ROS1: variants seen among roughly 807,000 people sequenced by gnomAD.
ROS1 encodes proto-oncogene tyrosine-protein kinase ROS.
A neutral mutation model predicts 273.5 loss-of-function variants in ROS1; 263 were observed. The observed-to-expected ratio is 0.96, with a 90% CI of 0.87 to 1.06. ROS1 has a LOEUF of 1.06. ROS1 is among the 50% of genes least tolerant of loss of function. The pLI is 0.00. For synonymous variants in ROS1, 1,008 were observed against 954.1 expected (o/e 1.06, Z -1.04); for missense variants, 2,833 against 2,751.1 (o/e 1.03, Z -0.67).
intron 22 of ROS1, 103 bp from the exon 23 acceptor site, chr6:117,360,508 T>A (rs1582734856): frequency 8.1e-6 from 6 of 741,764 alleles, no homozygotes; most frequent in Non-Finnish European, 1.2e-5. Context: ...ATACTCCTGA[T>A]ACACAATATT....
chr6:117,381,867 T>C (rs1582799974), intron 17 of ROS1, among the ~76,000 whole-genome samples: 2 of 152,126 alleles, frequency 1.3e-5, no homozygotes, highest in African/African-American at 4.8e-5. Flanking sequence ...CCATCTGCAG[T>C]GTATAAGCGT....
chr6:117,336,417 G>A (rs745485119), intron 32 of ROS1, among the ~76,000 whole-genome samples: 12 of 151,730 alleles, frequency 7.9e-5, no homozygotes, highest in Non-Finnish European at 1.3e-4. Flanking sequence ...GTGAGAACAC[G>A]CAGTGTTTGG....
At chr6:117,404,216 G>A (rs945659347) in intron 6 of ROS1, 64 bp downstream of exon 6, 18 of 1,378,214 alleles carry the variant, frequency 1.3e-5, no homozygotes, top group Non-Finnish European at 1.5e-5. Flanking sequence ...GCGAGACTCC[G>A]TCTCAAAAAA....
intron 1 of ROS1, among the ~76,000 whole-genome samples, chr6:117,421,369 A>G (rs1222618739): frequency 1.3e-5 from 2 of 151,902 alleles, no homozygotes; most frequent in African/African-American, 4.8e-5. Context: ...CAAGTAGTAT[A>G]CATTGTACCC....
chr6:117,390,181 C>T (rs1374553840), intron 12 of ROS1, among the ~76,000 whole-genome samples: 2 of 152,048 alleles, frequency 1.3e-5, no homozygotes, highest in Non-Finnish European at 2.9e-5. Context: ...GGCTGGAGTT[C>T]AGTGACACAA....
At chr6:117,375,225 G>T (rs1280360812) in intron 18 of ROS1, among the ~76,000 whole-genome samples, 1 of 152,194 alleles carries the variant, frequency 6.6e-6, no homozygotes, top group Admixed American at 6.5e-5. Context: ...TCACTCATAA[G>T]TGGGAGTTAG....
intron 17 of ROS1, among the ~76,000 whole-genome samples, chr6:117,380,813 A>G (rs896562622): frequency 2.0e-5 from 3 of 152,114 alleles, no homozygotes; most frequent in Non-Finnish European, 4.4e-5. Flanking sequence ...GGTAAAATGT[A>G]CCATATGCTG....
In ROS1 at chr6:117,366,270, G is replaced by A. The variant is rs1370586180; in HGVS notation, c.2603C>T (p.Thr868Ile). ...RGQSTGDTTI[T>I]EFAAWSTSEI... is the part of the protein sequence containing the mutation. ...AGAAGTACTCCAGGCTGCAAATTCTGTGATGGTGGTATCCCCAGTGCTGCT... is the reference window on the plus strand; with the variant it reads ...AGAAGTACTCCAGGCTGCAAATTCTATGATGGTGGTATCCCCAGTGCTGCT... Residue 868 changes from threonine (T) to isoleucine (I), a missense_variant, in exon 19 of 44, where the codon ACA becomes ATA. Transcript: ENST00000368507. The A allele has an allele frequency of 6.2e-7, 1 of 1,613,994 alleles. No individual in the cohort carries two copies. The highest frequency in any genetic ancestry group is 2.2e-5 in the East Asian group (1 of 44,880).
chr6:117,421,027 T>G (rs1267543723), intron 1 of ROS1, among the ~76,000 whole-genome samples: 1 of 148,244 alleles, frequency 6.7e-6, no homozygotes, highest in Non-Finnish European at 1.5e-5. Flanking sequence ...GAAGTTTACC[T>G]GTACCTTTTC....
In ROS1 at chr6:117,308,964, A is replaced by G. The variant is rs1167837728; in HGVS notation, c.6417-36T>C. Reference sequence around the variant, plus strand: ...TAGAGGGTTTGCTTTAATTATACTTATTACAAACACCAGGTTTACAGTAGT... The same window carrying G: ...TAGAGGGTTTGCTTTAATTATACTTGTTACAAACACCAGGTTTACAGTAGT... On this transcript the variant is annotated intron_variant, in intron 41 of 43. Coordinates refer to ENST00000368507, the MANE Select transcript of ROS1 (RefSeq NM_001378902.1). The G allele has an allele frequency of 3.1e-6, 5 of 1,595,512 alleles. No homozygotes were observed. The Middle Eastern group carries it at 6.8e-4, about 215-fold the overall frequency.
chr6:117,328,516 G>A, intron 33 of ROS1: 1 of 388,500 alleles, frequency 2.6e-6, no homozygotes, highest in Non-Finnish European at 4.9e-6. Context: ...GAATTCTCTA[G>A]TATGAACAGG....
chr6:117,339,618 C>A (rs1777761941), intron 31 of ROS1, among the ~76,000 whole-genome samples: 1 of 152,108 alleles, frequency 6.6e-6, no homozygotes, highest in Non-Finnish European at 1.5e-5. Context: ...TTTTACTGTA[C>A]TCATAGTTAG....
intron 7 of ROS1, among the ~76,000 whole-genome samples, chr6:117,398,128 A>C (rs1051351185): frequency 6.6e-6 from 1 of 152,172 alleles, no homozygotes; most frequent in African/African-American, 2.4e-5. Flanking sequence ...GGAAGAAATA[A>C]ATTTCTCCCA....
Position 117,356,827 on chromosome 6 carries a change from G to T in ROS1, c.3928C>A (p.Pro1310Thr). The T allele has an allele frequency of 1.2e-6, 2 of 1,614,112 alleles. No homozygotes were observed. The highest frequency in any genetic ancestry group is 1.7e-6 in the Non-Finnish European group (2 of 1,180,014). ...TTGTTTTGTTGGTTTGTAGCTGTGG[G>T]TTGCAGAATTCGGTGCAAGGTGTGA... ...ISHTLHRILQ[P>T]TATNQQNKRN... The change falls in exon 26 of 44, where the codon CCC becomes ACC. Residue 1310 changes from proline (P) to threonine (T), a missense_variant. By Grantham distance (38) the Pro-to-Thr change is conservative. Coordinates refer to ENST00000368507, the MANE Select transcript of ROS1 (RefSeq NM_001378902.1).
chr6:117,310,448 C>T (rs908487277), intron 40 of ROS1, among the ~76,000 whole-genome samples, 167 bp from the exon 41 acceptor site: 1 of 151,124 alleles, frequency 6.6e-6, no homozygotes, highest in African/African-American at 2.4e-5. Context: ...CATAGGTATA[C>T]ATGTGCCATG....
rs114252687 is a variant in ROS1 at position 117,387,169 on chromosome 6, A to G, written c.2000-170T>C. Among the ~76,000 whole-genome samples, 1,313 of 152,368 alleles carry G rather than the reference A, an allele frequency of 8.6e-3. 20 individuals are homozygous for G. Among genetic ancestry groups the G allele is most frequent in the African/African-American group, 0.03 (1,236 of 41,584 alleles). Reference sequence around the variant, plus strand: ...GGATATGAGTAATTGTTATCTGTGTAACAAGAATGATCCCATTAAACATAC... The same window carrying G: ...GGATATGAGTAATTGTTATCTGTGTGACAAGAATGATCCCATTAAACATAC... On this transcript the variant is annotated intron_variant, in intron 14 of 43. Coordinates refer to ENST00000368507, the MANE Select transcript of ROS1 (RefSeq NM_001378902.1).
chr6:117,386,634 A>G (rs964213722), intron 15 of ROS1, among the ~76,000 whole-genome samples: 1 of 152,258 alleles, frequency 6.6e-6, no homozygotes, highest in Non-Finnish European at 1.5e-5. Flanking sequence ...TTAATACATC[A>G]GCATTATATC....
At chr6:117,371,371 A>G (rs570481150) in intron 18 of ROS1, among the ~76,000 whole-genome samples, 1 of 152,260 alleles carries the variant, frequency 6.6e-6, no homozygotes, top group Non-Finnish European at 1.5e-5. Flanking sequence ...AGGCAAATTT[A>G]CAGCCAAGCA....
chr6:117,358,047 G>A (rs2128646001), intron 24 of ROS1, 38 bp from the exon 25 acceptor site: 1 of 1,418,570 alleles, frequency 7.0e-7, no homozygotes, highest in Non-Finnish European at 9.8e-7. Context: ...AGAAGAGAGT[G>A]GTTATTTTTT....
Sources: gnomAD v4.1 joint callset for allele counts (sites outside exome capture counted in the v4.1 genomes callset) on GRCh38, gnomAD v4.1.1 for gene constraint, MANE v1.5 for transcripts, NCBI Gene and HGNC (gene_info 2026-07-23, HGNC 2026-07-21) for gene names.